CACNA2D1: variants seen among roughly 807,000 people sequenced by gnomAD.
CACNA2D1 encodes the protein voltage-dependent calcium channel subunit alpha-2/delta-1.
Under a neutral mutation model 171.5 loss-of-function variants are expected in CACNA2D1, and 53 were observed. The observed-to-expected ratio is 0.31, with a 90% CI of 0.25 to 0.39. CACNA2D1 has a LOEUF of 0.39. Ranked by LOEUF, CACNA2D1 falls within the 10% of genes least tolerant of loss-of-function variation. The probability of loss-of-function intolerance (pLI) is 1.00; values close to 1 mark genes in which losing one functional copy is unlikely to be tolerated. For synonymous variants in CACNA2D1, 442 were observed against 443.1 expected (o/e 1.00, Z 0.03); for missense variants, 903 against 1,299.8 (o/e 0.69, Z 4.69).
chr7:82,377,434 C>A (rs1305438141), intron 1 of CACNA2D1, among the ~76,000 whole-genome samples: 1 of 152,118 alleles, frequency 6.6e-6, no homozygotes, highest in Non-Finnish European at 1.5e-5. Flanking sequence ...GTAATTCTAA[C>A]AAGAATGCAG....
chr7:82,345,302 G>A (rs1360517105), intron 2 of CACNA2D1, among the ~76,000 whole-genome samples: 1 of 152,118 alleles, frequency 6.6e-6, no homozygotes, highest in African/African-American at 2.4e-5. Context: ...ATATTGAAAT[G>A]TAAAGGTATT....
At chr7:82,035,340 G>A (rs1197518786) in intron 11 of CACNA2D1, among the ~76,000 whole-genome samples, 18 of 113,686 alleles carry the variant, frequency 1.6e-4, no homozygotes, top group African/African-American at 3.6e-4. Flanking sequence ...TAAATGCTGC[G>A]AGGACAAAAA....
In CACNA2D1 at chr7:82,194,053, G is replaced by A. The variant is rs73705872; in HGVS notation, c.295-23444C>T. Among the ~76,000 whole-genome samples the A allele has an allele frequency of 3.8e-3, 574 of 152,076 alleles. 3 individuals are homozygous for A. The highest frequency in any genetic ancestry group is 0.013 in the African/African-American group (543 of 41,506). On this transcript the variant is annotated intron_variant, in intron 3 of 38. Coordinates refer to ENST00000356860, the MANE Select transcript of CACNA2D1 (RefSeq NM_000722.4). ...GTTCTGGTAACGAATCTCCTTAAAGGAAGTAGTTTGTGTTGAATTAAATTT... is the reference window on the plus strand; with the variant it reads ...GTTCTGGTAACGAATCTCCTTAAAGAAAGTAGTTTGTGTTGAATTAAATTT...
intron 4 of CACNA2D1, among the ~76,000 whole-genome samples, chr7:82,139,051 T>C (rs561233105): frequency 6.6e-6 from 1 of 152,262 alleles, no homozygotes; most frequent in South Asian, 2.1e-4. Context: ...ACATCGTCAT[T>C]TTCAACAGAT....
At chr7:82,108,395 C>G (rs1787991252) in intron 6 of CACNA2D1, among the ~76,000 whole-genome samples, 1 of 152,102 alleles carries the variant, frequency 6.6e-6, no homozygotes, top group South Asian at 2.1e-4. Flanking sequence ...TCGTAGAAGG[C>G]CACCAACCCT....
At chr7:82,195,488 T>C (rs1798756177) in intron 3 of CACNA2D1, among the ~76,000 whole-genome samples, 1 of 151,912 alleles carries the variant, frequency 6.6e-6, no homozygotes, top group Non-Finnish European at 1.5e-5. Flanking sequence ...GAAACAAATA[T>C]TCTGTTTAAA....
chr7:82,335,228 C>G lies in CACNA2D1; in HGVS notation c.201G>C (p.Leu67Phe). ...GTGCATTATTTGGTTCCACAGTATA[C>G]AAATCTTGATATTTCTCATAAATCT... ...LVDIYEKYQD[L>F]YTVEPNNARQ... Residue 67 changes from leucine to phenylalanine, a missense_variant, in exon 3 of 39, where the codon TTG becomes TTC. Coordinates refer to ENST00000356860, the MANE Select transcript of CACNA2D1 (RefSeq NM_000722.4). 6.2e-7 allele frequency: 1 copy of G among 1,605,030 alleles called. No individual in the cohort carries two copies. Among genetic ancestry groups the G allele is most frequent in the African/African-American group, 1.3e-5 (1 of 74,584 alleles).
At chr7:82,355,204 A>G (rs1374424806) in intron 1 of CACNA2D1, among the ~76,000 whole-genome samples, 1 of 152,152 alleles carries the variant, frequency 6.6e-6, no homozygotes, top group East Asian at 1.9e-4. Context: ...TTGCTCTAAG[A>G]AAGTTTAATA....
Position 81,964,338 on chromosome 7 carries a change from T to C in CACNA2D1, c.2596A>G (p.Ile866Val). 1 of 1,611,910 alleles carries C rather than the reference T, an allele frequency of 6.2e-7. No individual in the cohort carries two copies. Among genetic ancestry groups the C allele is most frequent in the Non-Finnish European group, 8.5e-7 (1 of 1,178,812 alleles). The change falls in exon 33 of 39, where the codon ATT (isoleucine) becomes GTT (valine). Residue 866 changes from isoleucine (I) to valine (V), a missense_variant. By Grantham distance (29) the Ile-to-Val change is conservative. This residue lies in a region of CACNA2D1 where 623 missense variants were observed against 925.5 expected (regional missense o/e 0.67). Coordinates refer to ENST00000356860, the MANE Select transcript of CACNA2D1 (RefSeq NM_000722.4). ...TNQIGRFFGE[I>V]DPSLMRHLVN... The stretch of plus-strand genomic sequence containing the variant: ...AGGTGTCTCATCAAGCTGGGATCAA[T>C]CTCTCCAAAAAATCTTCCAATCTGG...
At chr7:82,071,021 A>G (rs908179904) in intron 7 of CACNA2D1, among the ~76,000 whole-genome samples, 1 of 152,194 alleles carries the variant, frequency 6.6e-6, no homozygotes, top group African/African-American at 2.4e-5. Flanking sequence ...TGGCTTGCAC[A>G]AGAAATTTAC....
chr7:82,335,439 A>G (rs1348299029), intron 2 of CACNA2D1, among the ~76,000 whole-genome samples, 188 bp from the exon 3 acceptor site: 2 of 152,210 alleles, frequency 1.3e-5, no homozygotes, highest in African/African-American at 4.8e-5. Context: ...TAGGACCACC[A>G]GCTTGCCAAA....
chr7:82,231,330 T>C (rs1451053748), intron 3 of CACNA2D1, among the ~76,000 whole-genome samples: 1 of 152,212 alleles, frequency 6.6e-6, no homozygotes, highest in Non-Finnish European at 1.5e-5. Context: ...ATTATGAATG[T>C]TGCTACTATA....
At chr7:82,115,949 A>G (rs773467943) in intron 6 of CACNA2D1, among the ~76,000 whole-genome samples, 9 of 152,280 alleles carry the variant, frequency 5.9e-5, no homozygotes, top group Middle Eastern at 3.4e-3. Context: ...CAGATGAGAA[A>G]ATGCCTACTC....
chr7:82,401,051 AAAC>A (rs1377273508), intron 1 of CACNA2D1, among the ~76,000 whole-genome samples: 1 of 152,144 alleles, frequency 6.6e-6, no homozygotes, highest in African/African-American at 2.4e-5. Flanking sequence ...AAAAGTCAGG[AAAC>A]AACAGGTGCT....
intron 29 of CACNA2D1, among the ~76,000 whole-genome samples, chr7:81,968,149 TAGTG>T (rs578210508): frequency 1.0e-3 from 157 of 151,472 alleles, no homozygotes; most frequent in Admixed American, 3.8e-3. Context: ...GTAAGTGAGT[TAGTG>T]AGTAAGTGAT....
chr7:82,420,827 C>G (rs1234479882), intron 1 of CACNA2D1, among the ~76,000 whole-genome samples: 1 of 145,986 alleles, frequency 6.8e-6, no homozygotes, highest in Non-Finnish European at 1.5e-5. Context: ...TCATAGCGAG[C>G]AGGAAAAAAA....
At chr7:82,097,995 T>A (rs983124172) in intron 6 of CACNA2D1, among the ~76,000 whole-genome samples, 11 of 152,056 alleles carry the variant, frequency 7.2e-5, no homozygotes, top group Non-Finnish European at 1.6e-4. Flanking sequence ...GCATCTATAG[T>A]CCCAGCTACT....
intron 38 of CACNA2D1, 44 bp from the exon 39 acceptor site, chr7:81,950,552 A>T (rs535037858): frequency 1.9e-6 from 3 of 1,556,144 alleles, no homozygotes; most frequent in South Asian, 2.4e-5. Context: ...AGAAAAATCT[A>T]AAAATCTTGA....
At chr7:82,073,367 T>C (rs377001841) in intron 7 of CACNA2D1, among the ~76,000 whole-genome samples, 1 of 152,190 alleles carries the variant, frequency 6.6e-6, no homozygotes, top group East Asian at 1.9e-4. Context: ...ATACCTATTA[T>C]ACACTATATG....
Sources: gnomAD v4.1 joint callset for allele counts (sites outside exome capture counted in the v4.1 genomes callset) on GRCh38, gnomAD v4.1.1 for gene constraint, gnomAD v4.1.1 regional missense constraint, MANE v1.5 for transcripts, NCBI Gene and HGNC (gene_info 2026-07-23, HGNC 2026-07-21) for gene names.